HHIPL1: variants seen among roughly 807,000 people sequenced by gnomAD.
HHIPL1 encodes the protein HHIP-like protein 1.
In HHIPL1, 43 loss-of-function variants were observed where a neutral mutation model predicts 61.8. The observed-to-expected ratio is 0.70, with a 90% CI of 0.55 to 0.90. The LOEUF (loss-of-function observed/expected upper bound fraction) is 0.90, where lower values mean the gene tolerates loss of function less well. Ranked by LOEUF, HHIPL1 falls within the 40% of genes least tolerant of loss-of-function variation. The probability of loss-of-function intolerance (pLI) is 0.00; values close to 1 mark genes in which losing one functional copy is unlikely to be tolerated. For synonymous variants in HHIPL1, 482 were observed against 515.8 expected (o/e 0.93, Z 0.89); for missense variants, 1,056 against 1,157.7 (o/e 0.91, Z 1.28).
chr14:99,633,641 T>C, the HHIPL1 span, among the ~76,000 whole-genome samples: 1 of 152,096 alleles, frequency 6.6e-6, no homozygotes, highest in Non-Finnish European at 1.5e-5. Flanking sequence ...ATGTTCGAAA[T>C]TGGGTTTAAC....
chr14:99,667,440 G>A (rs185753415), intron 6 of HHIPL1, among the ~76,000 whole-genome samples: 43 of 152,186 alleles, frequency 2.8e-4, no homozygotes, highest in South Asian at 2.3e-3. Context: ...GAGAACCCAC[G>A]TTCCCTGAGA....
the HHIPL1 span, among the ~76,000 whole-genome samples, chr14:99,637,437 T>C: frequency 1.3e-5 from 2 of 151,832 alleles, no homozygotes; most frequent in African/African-American, 2.4e-5. Context: ...CTGGGCGTGA[T>C]GGCGGGTGCC....
intron 7 of HHIPL1, among the ~76,000 whole-genome samples, chr14:99,671,996 G>A (rs200174084): frequency 3.3e-5 from 5 of 152,200 alleles, no homozygotes; most frequent in African/African-American, 7.2e-5. Flanking sequence ...AGAGAGACTG[G>A]CATTTGTTCA....
Position 99,668,236 on chromosome 14 carries a change from A to C in HHIPL1, c.1663A>C (p.Met555Leu), listed in dbSNP as rs1566816217. 6.2e-7 allele frequency: 1 copy of C among 1,610,306 alleles called. No individual in the cohort carries two copies. Among genetic ancestry groups the C allele is most frequent in the African/African-American group, 1.3e-5 (1 of 74,778 alleles). ...GEDEAGELYF[M>L]STGEPSATAP... is the part of the protein sequence containing the mutation. ...TCTGTCCAAAGGGGAGCTGTACTTCATGTCGACAGGGGAGCCGAGTGCCAC... is the reference window on the plus strand; with the variant it reads ...TCTGTCCAAAGGGGAGCTGTACTTCCTGTCGACAGGGGAGCCGAGTGCCAC... The change falls in exon 7 of 9, where the codon ATG (methionine) becomes CTG (leucine). Residue 555 changes from methionine (M) to leucine (L), a missense_variant. Coordinates refer to ENST00000330710, the MANE Select transcript of HHIPL1 (RefSeq NM_001127258.3). This position sits in a 1 kb window ranked among gnomAD's most constrained non-coding sequence, Gnocchi z 4.7.
At chr14:99,631,763 T>G in the HHIPL1 span, among the ~76,000 whole-genome samples, 1 of 152,286 alleles carries the variant, frequency 6.6e-6, no homozygotes, top group East Asian at 1.9e-4. Context: ...ATTACATGTG[T>G]GCGCCACCAT....
rs1426128946 is a variant in HHIPL1, at chr14:99,660,054, G to A, written c.1376-226G>A. Among the ~76,000 whole-genome samples, 1 of 151,450 alleles carries A rather than the reference G, an allele frequency of 6.6e-6. No homozygotes were observed. The stretch of plus-strand genomic sequence containing the variant: ...CCCGGAGCCTCCCTGCGCCTTGGAG[G>A]CCTCCCAGCAGCGCTCTTGAGTTCT... On this transcript the variant is annotated intron_variant, in intron 4 of 8. Coordinates refer to ENST00000330710, the MANE Select transcript of HHIPL1 (RefSeq NM_001127258.3). The surrounding 1 kb of genome is among the most constrained non-coding windows in gnomAD (Gnocchi z 4.9).
chr14:99,634,087 G>T, the HHIPL1 span, among the ~76,000 whole-genome samples: 1 of 152,174 alleles, frequency 6.6e-6, no homozygotes, highest in African/African-American at 2.4e-5. Context: ...GCAGAGGCGC[G>T]AGCACTCACA....
the HHIPL1 span, among the ~76,000 whole-genome samples, chr14:99,612,129 G>A: frequency 6.6e-6 from 1 of 152,196 alleles, no homozygotes; most frequent in Admixed American, 6.5e-5. Flanking sequence ...AGTTCCGCGT[G>A]GCCAGGGAAG....
At chr14:99,616,345 T>C in the HHIPL1 span, among the ~76,000 whole-genome samples, 5 of 152,208 alleles carry the variant, frequency 3.3e-5, no homozygotes, top group Non-Finnish European at 5.9e-5. Flanking sequence ...GATCATATCC[T>C]CGTCATTAAG....
chr14:99,661,096 C>T (rs961578623), intron 5 of HHIPL1, among the ~76,000 whole-genome samples: 31 of 151,682 alleles, frequency 2.0e-4, no homozygotes, highest in African/African-American at 7.0e-4. Context: ...AACCCTCCTT[C>T]GAGTCAGGCT....
Position 99,680,339 on chromosome 14 carries a change from A to G in HHIPL1, c.*4713A>G, listed in dbSNP as rs2056427982. ...TCAAGCTTGAGAAGAATCAAGTTCT[A>G]CAGGGCTGCTTAAAACACAGGTTGC... is the stretch of plus-strand genomic sequence containing the variant. On this transcript the variant is annotated 3_prime_UTR_variant, in exon 9 of 9. Coordinates refer to ENST00000330710, the MANE Select transcript of HHIPL1 (RefSeq NM_001127258.3). The G allele has an allele frequency of 6.6e-6, 1 of 152,226 alleles. No individual in the cohort carries two copies. The highest frequency in any genetic ancestry group is 1.5e-5 in the Non-Finnish European group (1 of 68,042). 9.4% of individuals were successfully genotyped at this position (152,226 alleles called of 1,614,324 possible).
chr14:99,640,441 C>T (rs543781891), upstream of HHIPL1, among the ~76,000 whole-genome samples: 5 of 148,832 alleles, frequency 3.4e-5, no homozygotes, highest in East Asian at 3.9e-4. Context: ...CACACCATCA[C>T]GCCAAGCTAA....
rs113583317 is a variant in HHIPL1 at position 99,669,028 on chromosome 14, C to T, written c.1730+725C>T. On this transcript the variant is annotated intron_variant, in intron 7 of 8. Coordinates refer to ENST00000330710, the MANE Select transcript of HHIPL1 (RefSeq NM_001127258.3). ...CCCTAACCCCTTGGCTGTGTGCCTT[C>T]ACCTCACCCTCTTCAAGCACCTTCC... The T allele has an allele frequency of 6.9e-4, 1,035 of 1,494,110 alleles. 8 individuals are homozygous for T. The African/African-American group carries it at 0.01, about 15-fold the overall frequency. 92.6% of individuals were successfully genotyped at this position (1,494,110 alleles called of 1,614,324 possible).
At chr14:99,606,535 C>G in the HHIPL1 span, among the ~76,000 whole-genome samples, 1 of 152,218 alleles carries the variant, frequency 6.6e-6, no homozygotes, top group African/African-American at 2.4e-5. Flanking sequence ...ACCCCCTCCC[C>G]GTTCGTGCAT....
Position 99,675,794 on chromosome 14 carries a change from C to A in HHIPL1, c.*168C>A. On this transcript the variant is annotated 3_prime_UTR_variant, in exon 9 of 9. Coordinates refer to ENST00000330710, the MANE Select transcript of HHIPL1 (RefSeq NM_001127258.3). This position sits in a 1 kb window ranked among gnomAD's most constrained non-coding sequence, Gnocchi z 5.4. Reference sequence around the variant, plus strand: ...CGCTGCAGTGCATGTGTGTCCTCTGCAGACCCAAGGCAGGAGTGTGTGTTG... The same window carrying A: ...CGCTGCAGTGCATGTGTGTCCTCTGAAGACCCAAGGCAGGAGTGTGTGTTG... The A allele has an allele frequency of 1.6e-6, 1 of 617,294 alleles. No individual in the cohort carries two copies. The highest frequency in any genetic ancestry group is 2.6e-6 in the Non-Finnish European group (1 of 385,018). 38.2% of individuals were successfully genotyped at this position (617,294 alleles called of 1,614,324 possible).
At chr14:99,623,837 C>G in the HHIPL1 span, among the ~76,000 whole-genome samples, 1 of 152,198 alleles carries the variant, frequency 6.6e-6, no homozygotes. Context: ...TCCTAGCAGC[C>G]CCGCCAGTGC....
At chr14:99,669,289 G>A (rs1356088820) in intron 7 of HHIPL1, 4 of 1,035,094 alleles carry the variant, frequency 3.9e-6, no homozygotes, top group Admixed American at 9.9e-5. Context: ...CTGCTTCTCA[G>A]CCCTTAGATT....
rs536677933 is a variant in HHIPL1 at position 99,660,105 on chromosome 14, C to A, written c.1376-175C>A. Among the ~76,000 whole-genome samples the A allele has an allele frequency of 6.6e-6, 1 of 151,698 alleles. No individual in the cohort carries two copies. The highest frequency in any genetic ancestry group is 2.0e-4 in the East Asian group (1 of 5,116). ...TCCTCGCTCCATCCCCACCTGGCAC[C>A]CCTGCAGACACGCTTTCCACCACGC... On this transcript the variant is annotated intron_variant, in intron 4 of 8. Transcript: ENST00000330710. This position sits in a 1 kb window ranked among gnomAD's most constrained non-coding sequence, Gnocchi z 4.9.
upstream of HHIPL1, among the ~76,000 whole-genome samples, chr14:99,643,835 A>C (rs914862582): frequency 1.2e-4 from 19 of 152,178 alleles, no homozygotes; most frequent in Non-Finnish European, 2.2e-4. Context: ...GGCTATCTCC[A>C]GCTGTGGCCA....
Sources: gnomAD v4.1 joint callset for allele counts (sites outside exome capture counted in the v4.1 genomes callset) on GRCh38, gnomAD v4.1.1 for gene constraint, Gnocchi (gnomAD v3.1) non-coding constraint, MANE v1.5 for transcripts, NCBI Gene and HGNC (gene_info 2026-07-23, HGNC 2026-07-21) for gene names.